DIAPH3: variants seen among roughly 807,000 people sequenced by gnomAD.
The protein encoded by DIAPH3 is diaphanous related formin 3, also known as protein diaphanous homolog 3.
In DIAPH3, 117 loss-of-function variants were observed where a neutral mutation model predicts 144.3. That is an observed-to-expected ratio of 0.81 (90% CI 0.70 to 0.95). The LOEUF is 0.95. Among genes scored for constraint, DIAPH3 ranks in the 40% least tolerant of loss-of-function variants. DIAPH3 has a pLI of 0.00. For synonymous variants in DIAPH3, 519 were observed against 488.9 expected (o/e 1.06, Z -0.81); for missense variants, 1,421 against 1,412.7 (o/e 1.01, Z -0.09).
At chr13:59,856,923 T>A (rs1214451061) in intron 22 of DIAPH3, among the ~76,000 whole-genome samples, 1 of 151,890 alleles carries the variant, frequency 6.6e-6, no homozygotes, top group African/African-American at 2.4e-5. Context: ...AAGTGTCTTT[T>A]CATAACATTC....
chr13:59,956,928 G>A (rs942350967), intron 17 of DIAPH3, among the ~76,000 whole-genome samples: 2 of 152,180 alleles, frequency 1.3e-5, no homozygotes, highest in Admixed American at 6.5e-5. Flanking sequence ...CTGGATTTCA[G>A]ATTTGCACGG....
At chr13:60,068,953 G>T (rs560578960) in intron 4 of DIAPH3, among the ~76,000 whole-genome samples, 1 of 152,134 alleles carries the variant, frequency 6.6e-6, no homozygotes, top group South Asian at 2.1e-4. Flanking sequence ...ATGAACATGT[G>T]CGTGCATGTG....
intron 2 of DIAPH3, among the ~76,000 whole-genome samples, chr13:60,117,875 T>A (rs2058739001): frequency 6.6e-6 from 1 of 152,182 alleles, no homozygotes; most frequent in African/African-American, 2.4e-5. Flanking sequence ...TTACAATTTG[T>A]GCACTTTCTA....
chr13:59,982,123 T>A (rs2051055636), intron 13 of DIAPH3, among the ~76,000 whole-genome samples: 1 of 151,578 alleles, frequency 6.6e-6, no homozygotes. Context: ...TACAATGACA[T>A]TCTCTTCTGT....
intron 19 of DIAPH3, 29 bp downstream of exon 19, chr13:59,916,126 T>A: frequency 3.2e-6 from 5 of 1,571,270 alleles, no homozygotes; most frequent in Non-Finnish European, 4.4e-6. Context: ...AATGAAATAT[T>A]GAAATTTAAG....
chr13:59,671,438 A>G (rs2032371787), intron 27 of DIAPH3, among the ~76,000 whole-genome samples: 1 of 152,222 alleles, frequency 6.6e-6, no homozygotes, highest in Non-Finnish European at 1.5e-5. Context: ...GCAAAGAGGG[A>G]TGATTAATTC....
intron 5 of DIAPH3, among the ~76,000 whole-genome samples, chr13:60,037,279 C>T (rs931069356): frequency 5.3e-5 from 8 of 151,120 alleles, no homozygotes; most frequent in Non-Finnish European, 1.2e-4. Context: ...ATCTGGGGGG[C>T]GGGGACAAAA....
intron 4 of DIAPH3, among the ~76,000 whole-genome samples, chr13:60,050,023 C>A (rs528587758): frequency 6.6e-6 from 1 of 152,092 alleles, no homozygotes; most frequent in Non-Finnish European, 1.5e-5. Context: ...GACCCCATCT[C>A]TACAAAAAAC....
rs535413763 is a variant in DIAPH3 at position 59,805,899 on chromosome 13, T to C, written c.3163+4889A>G. Among the ~76,000 whole-genome samples, 29 of 152,100 alleles carry C rather than the reference T, an allele frequency of 1.9e-4. No homozygotes were observed. The South Asian group carries it at 6.0e-3, about 32-fold the overall frequency. The stretch of plus-strand genomic sequence containing the variant: ...ATAGTGATAGTAAATAATAGTAGAT[T>C]TGGAAATAGTTGCCTGTTCTCTTGC... On this transcript the variant is annotated intron_variant, in intron 25 of 27. Coordinates refer to ENST00000400324, the MANE Select transcript of DIAPH3 (RefSeq NM_001042517.2).
At chr13:59,667,145 G>A (rs1178531689) in intron 27 of DIAPH3, among the ~76,000 whole-genome samples, 1 of 152,150 alleles carries the variant, frequency 6.6e-6, no homozygotes, top group Non-Finnish European at 1.5e-5. Flanking sequence ...ATTTCTTTCA[G>A]GTCTCTGTTC....
At chr13:60,089,716 T>C (rs2057868615) in intron 4 of DIAPH3, among the ~76,000 whole-genome samples, 1 of 152,200 alleles carries the variant, frequency 6.6e-6, no homozygotes, top group Non-Finnish European at 1.5e-5. Context: ...TTTTCTCCAA[T>C]AAACTTGCTG....
chr13:59,812,006 C>T (rs944430552), intron 24 of DIAPH3, among the ~76,000 whole-genome samples: 3 of 151,962 alleles, frequency 2.0e-5, no homozygotes, highest in African/African-American at 4.8e-5. Flanking sequence ...CAGGTTAACA[C>T]ATTGGACGTT....
intron 1 of DIAPH3, among the ~76,000 whole-genome samples, chr13:60,137,509 A>C (rs1411602606): frequency 6.6e-6 from 1 of 152,208 alleles, no homozygotes; most frequent in African/African-American, 2.4e-5. Flanking sequence ...AAAAGATGCC[A>C]AGCTGTAGCC....
At chr13:59,686,774 A>G (rs568857612) in intron 27 of DIAPH3, among the ~76,000 whole-genome samples, 6 of 152,174 alleles carry the variant, frequency 3.9e-5, no homozygotes, top group Admixed American at 3.3e-4. Flanking sequence ...GAACATTCTA[A>G]AGCAGACCCT....
chr13:59,991,224 C>A lies in DIAPH3; in HGVS notation c.1295G>T (p.Arg432Ile). 1.9e-6 allele frequency: 3 copies of A among 1,611,454 alleles called. No individual in the cohort carries two copies. Among genetic ancestry groups the A allele is most frequent in the East Asian group, 2.2e-5 (1 of 44,708 alleles). Reference sequence around the variant, plus strand: ...AATAGAAATAAAATATCCCTCTGCTCTAGTTTCTTTAACTGTGCTCCACAC... The same window carrying A: ...AATAGAAATAAAATATCCCTCTGCTATAGTTTCTTTAACTGTGCTCCACAC... ...NMVWSTVKET[R>I]AEGYFISILQ... Residue 432 changes from arginine (R) to isoleucine (I), a missense_variant, in exon 12 of 28, where the codon AGA becomes ATA. Physicochemically the swap from Arg to Ile is moderately conservative, Grantham distance 97 (BLOSUM62 -3). Transcript: ENST00000400324.
intron 24 of DIAPH3, among the ~76,000 whole-genome samples, chr13:59,823,464 A>C (rs1366777310): frequency 6.6e-6 from 1 of 152,184 alleles, no homozygotes; most frequent in Non-Finnish European, 1.5e-5. Context: ...AGAATAACAA[A>C]TGTGCTAATG....
chr13:60,010,626 A>G lies in DIAPH3; in HGVS notation c.815T>C (p.Leu272Ser), dbSNP rs1279836956. 1.2e-6 allele frequency: 2 copies of G among 1,613,934 alleles called. No homozygotes were observed. Among genetic ancestry groups the G allele is most frequent in the Non-Finnish European group, 1.7e-6 (2 of 1,179,872 alleles). Residue 272 changes from leucine (L) to serine (S), a missense_variant, in exon 8 of 28, where the codon TTA becomes TCA. Transcript: ENST00000400324. ...RIMSEERSLSLLAKAVDPRHP... is the reference protein window; with the variant it reads ...RIMSEERSLSSLAKAVDPRHP... The stretch of plus-strand genomic sequence containing the variant: ...TCTGGGATCCACGGCTTTGGCCAAT[A>G]AGGAAAGGCTCCTCTCCTCACTCAT...
intron 4 of DIAPH3, among the ~76,000 whole-genome samples, chr13:60,056,549 C>G (rs2056567734): frequency 6.6e-6 from 1 of 151,436 alleles, no homozygotes; most frequent in Non-Finnish European, 1.5e-5. Context: ...GAAGATATAC[C>G]ATTAAAAGAC....
intron 27 of DIAPH3, among the ~76,000 whole-genome samples, chr13:59,688,777 CTT>C (rs1237009891): frequency 6.6e-6 from 1 of 151,922 alleles, no homozygotes; most frequent in Non-Finnish European, 1.5e-5. Flanking sequence ...TTGCAGGGAA[CTT>C]TACGTAAAGG....
Sources: gnomAD v4.1 joint callset for allele counts (sites outside exome capture counted in the v4.1 genomes callset) on GRCh38, gnomAD v4.1.1 for gene constraint, MANE v1.5 for transcripts, NCBI Gene and HGNC (gene_info 2026-07-23, HGNC 2026-07-21) for gene names.